Variants in TMEM177 observed in about 807,000 individuals in gnomAD.
TMEM177 encodes transmembrane protein 177.
A neutral mutation model predicts 14.2 loss-of-function variants in TMEM177; 4 were observed. That is an observed-to-expected ratio of 0.28 (90% CI 0.14 to 0.64). The LOEUF is 0.64. Ranked by LOEUF, TMEM177 falls within the 30% of genes least tolerant of loss-of-function variation. TMEM177 has a pLI of 0.82. For missense variants in TMEM177, 344 were observed against 405.2 expected (o/e 0.85, Z 1.30); for synonymous variants, 179 against 174.5 (o/e 1.03, Z -0.20).
the TMEM177 span, among the ~76,000 whole-genome samples, chr2:119,714,517 G>A: frequency 1.3e-5 from 2 of 152,296 alleles, no homozygotes; most frequent in East Asian, 3.9e-4. Flanking sequence ...GAAAAAGAAG[G>A]TGGGACAAAG....
At chr2:119,698,434 A>G in the TMEM177 span, among the ~76,000 whole-genome samples, 1 of 152,222 alleles carries the variant, frequency 6.6e-6, no homozygotes, top group African/African-American at 2.4e-5. Flanking sequence ...ACTTTGAGGT[A>G]TAATTTTCTG....
rs889541849 is a variant in TMEM177, at chr2:119,681,509, C to T, written c.656C>T (p.Ser219Phe). The T allele has an allele frequency of 3.1e-6, 5 of 1,613,922 alleles. No individual in the cohort carries two copies. Among genetic ancestry groups the T allele is most frequent in the Admixed American group, 3.3e-5 (2 of 60,028 alleles). ...GCAGGCTTTGTGGCCTACGCCTTCT[C>T]CCAGGATTCTCTCACTCATGCCGTG... ...AVAGFVAYAF[S>F]QDSLTHAVES... The change falls in exon 2 of 2, where the codon TCC becomes TTC. Residue 219 changes from serine (S) to phenylalanine (F), a missense_variant. Coordinates refer to ENST00000272521, the MANE Select transcript of TMEM177 (RefSeq NM_030577.3).
At chr2:119,711,123 G>A in the TMEM177 span, among the ~76,000 whole-genome samples, 5 of 152,188 alleles carry the variant, frequency 3.3e-5, no homozygotes, top group Non-Finnish European at 7.3e-5. Flanking sequence ...TGCCTGGCTC[G>A]AGGCAGGCTG....
downstream of TMEM177, among the ~76,000 whole-genome samples, chr2:119,683,604 C>T (rs565668475): frequency 9.4e-4 from 143 of 152,262 alleles, no homozygotes; most frequent in African/African-American, 3.0e-3. Context: ...GAACCATTAG[C>T]GAAGGCAGCC....
downstream of TMEM177, among the ~76,000 whole-genome samples, chr2:119,690,357 C>G (rs1689075837): frequency 6.6e-6 from 1 of 152,218 alleles, no homozygotes; most frequent in African/African-American, 2.4e-5. Context: ...GTCATGCTTC[C>G]TGTACAGCCT....
At chr2:119,687,686 G>T (rs1223739429), downstream of TMEM177, among the ~76,000 whole-genome samples, 1 of 152,132 alleles carries the variant, frequency 6.6e-6, no homozygotes, top group Non-Finnish European at 1.5e-5. Context: ...GGGACACAAA[G>T]CCAAATCATA....
the TMEM177 span, among the ~76,000 whole-genome samples, chr2:119,694,280 C>CCA: frequency 0.057 from 8,602 of 149,714 alleles, 649 homozygotes; most frequent in African/African-American, 0.17. Context: ...GTGTGGTATA[C>CCA]CACACACACA....
downstream of TMEM177, among the ~76,000 whole-genome samples, chr2:119,689,710 T>C (rs1024684726): frequency 2.6e-5 from 4 of 152,176 alleles, no homozygotes; most frequent in African/African-American, 9.6e-5. Context: ...CTTAGGCAAG[T>C]GAAACTGGCC....
At chr2:119,694,874 A>G in the TMEM177 span, among the ~76,000 whole-genome samples, 1 of 152,180 alleles carries the variant, frequency 6.6e-6, no homozygotes, top group Non-Finnish European at 1.5e-5. Flanking sequence ...GCCTGCTTAT[A>G]TGCCACACTT....
the TMEM177 span, among the ~76,000 whole-genome samples, chr2:119,696,082 CCATCT>C: frequency 3.9e-5 from 6 of 152,222 alleles, no homozygotes; most frequent in Admixed American, 3.9e-4. Context: ...GGGGCTGTGA[CCATCT>C]CATCTCTGTG....
At chr2:119,692,379 A>G in the TMEM177 span, among the ~76,000 whole-genome samples, 1 of 152,246 alleles carries the variant, frequency 6.6e-6, no homozygotes, top group Non-Finnish European at 1.5e-5. Context: ...GGACACAGCT[A>G]GAGAGATCCA....
At chr2:119,723,388 G>A in the TMEM177 span, among the ~76,000 whole-genome samples, 1 of 152,180 alleles carries the variant, frequency 6.6e-6, no homozygotes, top group Non-Finnish European at 1.5e-5. Context: ...GCAATGCTAA[G>A]CTGAACGTCC....
intron 1 of TMEM177, among the ~76,000 whole-genome samples, chr2:119,680,429 T>C (rs1035556185): frequency 6.6e-6 from 1 of 152,190 alleles, no homozygotes; most frequent in African/African-American, 2.4e-5. Flanking sequence ...ATTGAACACG[T>C]TTTTCCTTAT....
chr2:119,695,429 A>G, the TMEM177 span, among the ~76,000 whole-genome samples: 4 of 152,224 alleles, frequency 2.6e-5, no homozygotes, highest in Admixed American at 2.0e-4. Context: ...GTCTCTCCCA[A>G]CTGGGCTGTG....
At chr2:119,680,596 G>A (rs1688868705) in intron 1 of TMEM177, among the ~76,000 whole-genome samples, 1 of 152,178 alleles carries the variant, frequency 6.6e-6, no homozygotes, top group Non-Finnish European at 1.5e-5. Flanking sequence ...TTATTCATGT[G>A]CTCATCACCG....
At chr2:119,698,313 A>G in the TMEM177 span, among the ~76,000 whole-genome samples, 2 of 152,196 alleles carry the variant, frequency 1.3e-5, no homozygotes, top group East Asian at 1.9e-4. Context: ...CCCTCCCTGC[A>G]CAGTTGGGGG....
the TMEM177 span, among the ~76,000 whole-genome samples, chr2:119,694,002 A>G: frequency 1.8e-5 from 2 of 114,202 alleles, no homozygotes; most frequent in African/African-American, 6.5e-5. Context: ...CACACCACAT[A>G]CGCATACACA....
the TMEM177 span, among the ~76,000 whole-genome samples, chr2:119,714,487 G>A: frequency 1.1e-4 from 17 of 152,254 alleles, no homozygotes; most frequent in South Asian, 4.1e-4. Context: ...TCCTTTCTCC[G>A]TGGCCCTGAG....
Position 119,681,319 on chromosome 2 carries a change from A to C in TMEM177, c.466A>C (p.Arg156=), listed in dbSNP as rs1558688288. Residue 156 remains arginine (R), a synonymous_variant, in exon 2 of 2, where the codon AGG becomes CGG. Transcript: ENST00000272521. ...SREAQKFALA[R]EVVYLESSTT... ...TGAAGCCCAGAAGTTCGCCTTGGCCAGGGAAGTGGTGTACCTGGAAAGCAG... is the reference window on the plus strand; with the variant it reads ...TGAAGCCCAGAAGTTCGCCTTGGCCCGGGAAGTGGTGTACCTGGAAAGCAG... The C allele has an allele frequency of 1.9e-6, 3 of 1,614,224 alleles. No homozygotes were observed. The highest frequency in any genetic ancestry group is 2.5e-6 in the Non-Finnish European group (3 of 1,180,034).
Sources: gnomAD v4.1 joint callset for allele counts (sites outside exome capture counted in the v4.1 genomes callset) on GRCh38, gnomAD v4.1.1 for gene constraint, MANE v1.5 for transcripts, NCBI Gene and HGNC (gene_info 2026-07-23, HGNC 2026-07-21) for gene names.